The following NTM variants were observed in gnomAD, a reference collection of about 807,000 sequenced individuals.
NTM encodes the protein neurotrimin.
NTM carries 13 observed loss-of-function variants against 42.1 expected under a neutral mutation model. The ratio of observed to expected loss-of-function variants is 0.31; its 90% CI spans 0.20 to 0.49. The LOEUF (loss-of-function observed/expected upper bound fraction) is 0.49. NTM is among the 20% of genes least tolerant of loss of function. The pLI is 0.99. For missense variants in NTM, 373 were observed against 452.8 expected, an observed-to-expected ratio of 0.82 and a Z score of 1.60; for synonymous variants, 187 against 179.2, an observed-to-expected ratio of 1.04 and a Z score of -0.35.
chr11:131,991,040 G>A (rs1012841769), intron 2 of NTM, among the ~76,000 whole-genome samples: 4 of 152,076 alleles, frequency 2.6e-5, no homozygotes, highest in African/African-American at 9.7e-5. Context: ...TGGGCTCAAC[G>A]ACTCATTCAG....
At chr11:131,508,758 C>T (rs2047837116) in intron 1 of NTM, among the ~76,000 whole-genome samples, 1 of 146,014 alleles carries the variant, frequency 6.8e-6, no homozygotes, top group Non-Finnish European at 1.5e-5. Context: ...AATTGGAAAT[C>T]ATCATTCTCA....
intron 1 of NTM, among the ~76,000 whole-genome samples, chr11:131,554,427 T>A (rs921446175): frequency 6.6e-6 from 1 of 152,088 alleles, no homozygotes; most frequent in Non-Finnish European, 1.5e-5. Context: ...ATGAGACTTT[T>A]GGCAGGAAAA....
intron 1 of NTM, among the ~76,000 whole-genome samples, chr11:131,845,063 T>G (rs578192839): frequency 6.6e-6 from 1 of 152,224 alleles, no homozygotes; most frequent in Non-Finnish European, 1.5e-5. Context: ...ATTTTGACTA[T>G]TAAATAGGAA....
At chr11:131,557,863 G>A (rs2055666321) in intron 1 of NTM, among the ~76,000 whole-genome samples, 1 of 152,180 alleles carries the variant, frequency 6.6e-6, no homozygotes, top group South Asian at 2.1e-4. Context: ...CTAAGCTCCA[G>A]AGTCAATCAT....
intron 1 of NTM, among the ~76,000 whole-genome samples, chr11:131,744,065 T>C (rs1591552436): frequency 6.6e-6 from 1 of 152,220 alleles, no homozygotes; most frequent in African/African-American, 2.4e-5. Flanking sequence ...GGTCCTATTT[T>C]GCTTCCTGTC....
chr11:131,733,637 G>A (rs545565212), intron 1 of NTM, among the ~76,000 whole-genome samples: 2 of 152,162 alleles, frequency 1.3e-5, no homozygotes, highest in South Asian at 4.2e-4. Context: ...CCAGGTTCAA[G>A]TGATTCTCCT....
intron 1 of NTM, among the ~76,000 whole-genome samples, chr11:131,563,579 CTTTTTTTTTTT>C (rs71911433): frequency 2.8e-3 from 251 of 88,774 alleles, no homozygotes; most frequent in African/African-American, 0.011. Context: ...GCTCCAGACA[CTTTTTTTTTTT>C]TTTTTTTTTT....
chr11:131,494,618 G>A (rs1291527746), intron 1 of NTM, among the ~76,000 whole-genome samples: 1 of 152,210 alleles, frequency 6.6e-6, no homozygotes, highest in Non-Finnish European at 1.5e-5. Flanking sequence ...CATGTGCAAA[G>A]ATGATAACCA....
chr11:131,957,036 G>A (rs2061630820), intron 2 of NTM, among the ~76,000 whole-genome samples: 1 of 152,146 alleles, frequency 6.6e-6, no homozygotes, highest in South Asian at 2.1e-4. Flanking sequence ...GGTTTAGATG[G>A]GGGAATATCA....
chr11:131,789,770 C>G (rs1411442516), intron 1 of NTM, among the ~76,000 whole-genome samples: 1 of 146,112 alleles, frequency 6.8e-6, no homozygotes, highest in Non-Finnish European at 1.5e-5. Flanking sequence ...TCCTGGCTAA[C>G]ACGGTGAAAC....
At chr11:131,592,650 ACAC>A (rs2059472927) in intron 1 of NTM, among the ~76,000 whole-genome samples, 2 of 6,790 alleles carry the variant, frequency 2.9e-4, no homozygotes, top group Non-Finnish European at 6.6e-4. Context: ...CACCCCAAAC[ACAC>A]ACACACACAC....
chr11:132,010,128 C>T (rs1419477161), intron 2 of NTM, among the ~76,000 whole-genome samples: 1 of 152,202 alleles, frequency 6.6e-6, no homozygotes, highest in Admixed American at 6.5e-5. Flanking sequence ...CACGGCTGTT[C>T]ATGTAATACC....
intron 2 of NTM, among the ~76,000 whole-genome samples, chr11:132,088,172 A>G (rs1033868218): frequency 1.3e-5 from 2 of 152,230 alleles, no homozygotes; most frequent in Non-Finnish European, 2.9e-5. Context: ...CAGTACCAAT[A>G]AAAGGAAGGA....
chr11:131,605,093 CA>C (rs372416946), intron 1 of NTM, among the ~76,000 whole-genome samples: 77 of 142,842 alleles, frequency 5.4e-4, no homozygotes, highest in Admixed American at 4.9e-4. Context: ...TCAATTTCTG[CA>C]AAAAAAAAAG....
At chr11:132,143,354 T>C (rs963730741) in intron 2 of NTM, among the ~76,000 whole-genome samples, 1 of 152,222 alleles carries the variant, frequency 6.6e-6, no homozygotes, top group African/African-American at 2.4e-5. Context: ...ATCTCTTTTT[T>C]ATCAGGTCTT....
intron 1 of NTM, among the ~76,000 whole-genome samples, chr11:131,454,352 C>T (rs930346689): frequency 6.6e-6 from 1 of 152,210 alleles, no homozygotes; most frequent in African/African-American, 2.4e-5. Flanking sequence ...AGCTGTGGAA[C>T]ACATCCCCCT....
intron 2 of NTM, among the ~76,000 whole-genome samples, chr11:132,115,624 C>T (rs1352514471): frequency 2.0e-5 from 3 of 152,176 alleles, no homozygotes; most frequent in Non-Finnish European, 4.4e-5. Context: ...GATGGTGATG[C>T]TCTGTTCTAC....
intron 1 of NTM, among the ~76,000 whole-genome samples, chr11:131,711,802 T>TA (rs1333642839): frequency 2.6e-5 from 4 of 151,874 alleles, no homozygotes; most frequent in Admixed American, 6.6e-5. Flanking sequence ...TATGCAGCCA[T>TA]AAAAAATGAC....
chr11:131,863,943 A>T (rs2046885245), intron 1 of NTM, among the ~76,000 whole-genome samples: 1 of 152,222 alleles, frequency 6.6e-6, no homozygotes, highest in Non-Finnish European at 1.5e-5. Context: ...GTTTCAGATA[A>T]ACCAGAGCAG....
Sources: gnomAD v4.1 joint callset for allele counts (sites outside exome capture counted in the v4.1 genomes callset) on GRCh38, gnomAD v4.1.1 for gene constraint, MANE v1.5 for transcripts, NCBI Gene and HGNC (gene_info 2026-07-23, HGNC 2026-07-21) for gene names.